The following TRIM34 variants were observed in gnomAD, a reference collection of about 807,000 sequenced individuals.
TRIM34 encodes E3 ubiquitin-protein ligase TRIM34.
Under a neutral mutation model 38.1 loss-of-function variants are expected in TRIM34, and 41 were observed. That is an observed-to-expected ratio of 1.08 (90% CI 0.84 to 1.40). TRIM34 has a LOEUF of 1.40. TRIM34 is among the 40% of genes most tolerant of loss of function. TRIM34 has a pLI of 0.00. For synonymous variants in TRIM34, 200 were observed against 202.5 expected (o/e 0.99, Z 0.10); for missense variants, 556 against 571.4 (o/e 0.97, Z 0.27).
chr11:5,632,880 G>A (rs1301332599), intron 2 of TRIM34, 126 bp downstream of exon 2: 44 of 1,290,416 alleles, frequency 3.4e-5, no homozygotes, highest in Non-Finnish European at 4.3e-5. Context: ...AGGCTGGAGT[G>A]CAGTGGCGTG....
chr11:5,627,277 G>A (rs1849289290), intron 1 of TRIM34, among the ~76,000 whole-genome samples: 1 of 152,084 alleles, frequency 6.6e-6, no homozygotes, highest in South Asian at 2.1e-4. Flanking sequence ...CTACTCGGGA[G>A]GCTGAGGCAA....
At chr11:5,643,112 T>TAC (rs1564891365) in intron 7 of TRIM34, 32 bp from the exon 8 acceptor site, 7 of 1,135,032 alleles carry the variant, frequency 6.2e-6, no homozygotes, top group Admixed American at 1.3e-4. Flanking sequence ...TATATTCATA[T>TAC]ACATATATAT....
chr11:5,631,942 TG>T (rs1289110055), intron 1 of TRIM34, among the ~76,000 whole-genome samples: 1 of 152,160 alleles, frequency 6.6e-6, no homozygotes, highest in Non-Finnish European at 1.5e-5. Context: ...ATGATGAGTT[TG>T]TGGTTGTGCT....
rs1364861283 is a variant in TRIM34 at position 5,642,719 on chromosome 11, G to A, written c.875-98G>A. ...TTAATTCACTAGCTCACAGCTTCAT[G>A]GTATTCCCTTCCCCTGTCCCTACTC... On this transcript the variant is annotated intron_variant, in intron 6 of 7. Transcript: ENST00000429814. The A allele has an allele frequency of 5.9e-6, 9 of 1,528,922 alleles. No homozygotes were observed. In the East Asian group the frequency reaches 1.1e-4, roughly 19 times the overall value. The allele number at this position is 1,528,922 out of a possible 1,614,324, so 94.7% of individuals were successfully genotyped here. A position where few individuals can be genotyped will look rare whatever the true frequency, so the allele number is the denominator to read the frequency against.
At chr11:5,631,034 T>C (rs1458289743) in intron 1 of TRIM34, among the ~76,000 whole-genome samples, 1 of 152,210 alleles carries the variant, frequency 6.6e-6, no homozygotes, top group African/African-American at 2.4e-5. Context: ...TATTGGGACA[T>C]CTCTCTCATG....
intron 4 of TRIM34, among the ~76,000 whole-genome samples, chr11:5,636,893 TC>T (rs1403906603): frequency 3.3e-5 from 5 of 152,216 alleles, no homozygotes; most frequent in African/African-American, 1.2e-4. Context: ...ACGCCTGTAA[TC>T]CCAGCACTTT....
upstream of TRIM34, among the ~76,000 whole-genome samples, chr11:5,622,559 G>A (rs1038142248): frequency 1.3e-5 from 2 of 151,540 alleles, no homozygotes; most frequent in East Asian, 1.9e-4. Flanking sequence ...CGGAGGTTGC[G>A]GTGAGCCAAG....
Position 5,641,209 on chromosome 11 carries a change from AGT to A in TRIM34, c.773+22_773+23del. The stretch of plus-strand genomic sequence containing the variant: ...GAAATGGTGCGTATGGGTGGCCAGG[AGT>A]GGTGCTTGTGAGTTATAAAGAAGTG... On this transcript the variant is annotated intron_variant, in intron 5 of 7. Coordinates refer to ENST00000429814, the MANE Select transcript of TRIM34 (RefSeq NM_021616.6). 5 of 1,613,756 alleles carry A rather than the reference AGT, an allele frequency of 3.1e-6. No homozygotes were observed. Among genetic ancestry groups the A allele is most frequent in the Non-Finnish European group, 4.2e-6 (5 of 1,179,940 alleles).
At chr11:5,620,160 C>CTTCTTTT (rs1848929317), upstream of TRIM34, 1 of 106,930 alleles carries the variant, frequency 9.4e-6, no homozygotes, top group Non-Finnish European at 1.9e-5. Flanking sequence ...TTTTCCTTTT[C>CTTCTTTT]TTTCTTCTTT....
intron 1 of TRIM34, 111 bp from the exon 2 acceptor site, chr11:5,632,144 T>G (rs1849507411): frequency 6.9e-7 from 1 of 1,455,556 alleles, no homozygotes; most frequent in Non-Finnish European, 9.1e-7. Flanking sequence ...TTTCTCTTCC[T>G]CATCTTCTTT....
chr11:5,627,115 C>T (rs1849279673), intron 1 of TRIM34, among the ~76,000 whole-genome samples: 1 of 152,134 alleles, frequency 6.6e-6, no homozygotes, highest in Non-Finnish European at 1.5e-5. Context: ...CAGTAGCTCA[C>T]ACCTGTAATC....
Position 5,632,463 on chromosome 11 carries a change from G to C in TRIM34, c.132G>C (p.Lys44Asn). 1 of 1,614,074 alleles carries C rather than the reference G, an allele frequency of 6.2e-7. No homozygotes were observed. Among genetic ancestry groups the C allele is most frequent in the Non-Finnish European group, 8.5e-7 (1 of 1,180,020 alleles). Residue 44 changes from lysine to asparagine, a missense_variant, in exon 2 of 8, where the codon AAG becomes AAC. Physicochemically the swap from Lys to Asn is moderately conservative, Grantham distance 94. Coordinates refer to ENST00000429814, the MANE Select transcript of TRIM34 (RefSeq NM_021616.6). ...LCRACITVSNKEAVTSMGGKS... is the reference protein window; with the variant it reads ...LCRACITVSNNEAVTSMGGKS... ...GAGCCTGCATCACTGTGAGCAACAA[G>C]GAGGCAGTGACCAGCATGGGAGGAA...
chr11:5,627,631 G>T (rs79403043), intron 1 of TRIM34, among the ~76,000 whole-genome samples: 2 of 152,310 alleles, frequency 1.3e-5, no homozygotes, highest in East Asian at 3.9e-4. Context: ...CTCTTGGGGA[G>T]AGAGTCATTA....
upstream of TRIM34, among the ~76,000 whole-genome samples, chr11:5,622,000 A>G (rs79862924): frequency 3.3e-5 from 5 of 152,316 alleles, no homozygotes; most frequent in Non-Finnish European, 7.3e-5. Context: ...ACATGTCTTC[A>G]GCCTTGGTAA....
At chr11:5,625,112 G>C (rs1442612999) in intron 1 of TRIM34, 52 bp downstream of exon 1, 1 of 152,218 alleles carries the variant, frequency 6.6e-6, no homozygotes, top group Non-Finnish European at 1.5e-5. Flanking sequence ...CAGGAGAAAA[G>C]TTCTCAGTGA....
intron 4 of TRIM34, among the ~76,000 whole-genome samples, chr11:5,640,251 G>C (rs1590184616): frequency 6.6e-6 from 1 of 152,198 alleles, no homozygotes; most frequent in East Asian, 1.9e-4. Flanking sequence ...GTTAGCTGTA[G>C]GTTTTTCATA....
intron 7 of TRIM34, 84 bp from the exon 8 acceptor site, chr11:5,643,060 A>G (rs1850084892): frequency 4.7e-6 from 6 of 1,279,378 alleles, no homozygotes; most frequent in Non-Finnish European, 6.2e-6. Flanking sequence ...AGATAAACCT[A>G]CTCCATATCT....
chr11:5,642,626 G>A, intron 6 of TRIM34, 120 bp downstream of exon 6: 1 of 1,396,750 alleles, frequency 7.2e-7, no homozygotes, highest in Non-Finnish European at 9.7e-7. Flanking sequence ...AGAGAATAAG[G>A]AATATTCTGT....
rs921531956 is a variant in TRIM34, at chr11:5,642,710, C to T, written c.875-107C>T. 1.5e-4 allele frequency: 228 copies of T among 1,499,970 alleles called. 1 individual carries two copies. Among genetic ancestry groups the T allele is most frequent in the Non-Finnish European group, 1.9e-4 (214 of 1,110,570 alleles). The allele number at this position is 1,499,970 out of a possible 1,614,324, so 92.9% of individuals were successfully genotyped here. A position where few individuals can be genotyped will look rare whatever the true frequency, so the allele number is the denominator to read the frequency against. ...TTTATCTTTTTAATTCACTAGCTCA[C>T]AGCTTCATGGTATTCCCTTCCCCTG... On this transcript the variant is annotated intron_variant, in intron 6 of 7. Transcript: ENST00000429814.
Sources: allele counts gnomAD v4.1 joint callset (sites outside exome capture counted in the v4.1 genomes callset), GRCh38; gene constraint gnomAD v4.1.1; transcripts MANE v1.5; gene names NCBI Gene and HGNC (gene_info 2026-07-23, HGNC 2026-07-21).